Variants in FBXO25 observed in about 807,000 individuals in gnomAD.
FBXO25 encodes F-box protein 25, also known as F-box only protein 25.
FBXO25 carries 45 observed loss-of-function variants against 51.9 expected under a neutral mutation model. That is an observed-to-expected ratio of 0.87 (90% confidence interval 0.68 to 1.11). The LOEUF is 1.11. FBXO25 is among the 50% of genes most tolerant of loss of function. FBXO25 has a pLI of 0.00. For missense variants in FBXO25, 507 were observed against 428.5 expected (o/e 1.18, Z -1.62); for synonymous variants, 199 against 151.0 (o/e 1.32, Z -2.33).
intron 5 of FBXO25, among the ~76,000 whole-genome samples, chr8:438,410 C>G (rs1356751008): frequency 6.6e-6 from 1 of 152,126 alleles, no homozygotes; most frequent in African/African-American, 2.4e-5. Flanking sequence ...ATCTAAACAG[C>G]AATTTTAAAC....
rs1437022129 is a variant in FBXO25, at chr8:474,641, A to G, written c.*5837A>G. 2.3e-6 allele frequency: 1 copy of G among 437,064 alleles called. No individual in the cohort carries two copies. The highest frequency in any genetic ancestry group is 1.7e-5 in the South Asian group (1 of 60,126). 27.1% of individuals were successfully genotyped at this position (437,064 alleles called of 1,614,324 possible). ...TCCGTAATGACTGGTGATGCTGAGT[A>G]TCTGTTTGTTGGCCGTTTATATGTC... On this transcript the variant is annotated 3_prime_UTR_variant, in exon 10 of 10. Transcript: ENST00000350302.
intron 4 of FBXO25, 99 bp from the exon 5 acceptor site, chr8:435,516 C>G: frequency 8.3e-7 from 1 of 1,202,702 alleles, no homozygotes; most frequent in East Asian, 2.5e-5. Flanking sequence ...AACAAATTGT[C>G]CTTTGCCAAA....
chr8:463,200 A>T, intron 9 of FBXO25, 50 bp downstream of exon 9: 1 of 1,584,014 alleles, frequency 6.3e-7, no homozygotes, highest in Non-Finnish European at 8.6e-7. Flanking sequence ...TTTTGGTGAA[A>T]CAAACTAATC....
chr8:461,023 A>C (rs1373782774), intron 8 of FBXO25, among the ~76,000 whole-genome samples: 1 of 152,190 alleles, frequency 6.6e-6, no homozygotes, highest in Non-Finnish European at 1.5e-5. Context: ...TTGTACAAAC[A>C]AGTTAAAAGG....
rs1448160025 is a variant in FBXO25 at position 476,116 on chromosome 8, A to C, written c.*7312A>C. On this transcript the variant is annotated 3_prime_UTR_variant, in exon 10 of 10. Coordinates refer to ENST00000350302, the MANE Select transcript of FBXO25 (RefSeq NM_183420.2). The stretch of plus-strand genomic sequence containing the variant: ...TGTCTCAAATGCTTTTTCTCCATCA[A>C]TGGAGATCACATTTTTTTCCTTCAT... 6.6e-6 allele frequency: 1 copy of C among 152,050 alleles called. No homozygotes were observed. The highest frequency in any genetic ancestry group is 2.4e-5 in the African/African-American group (1 of 41,390). 9.4% of individuals were successfully genotyped at this position (152,050 alleles called of 1,614,324 possible).
chr8:462,397 T>C (rs1005105082), intron 8 of FBXO25, among the ~76,000 whole-genome samples: 1 of 151,006 alleles, frequency 6.6e-6, no homozygotes, highest in African/African-American at 2.4e-5. Context: ...TTATCACATA[T>C]GATGTGTGTA....
At chr8:438,328 G>T (rs963764808) in intron 5 of FBXO25, among the ~76,000 whole-genome samples, 3 of 152,112 alleles carry the variant, frequency 2.0e-5, no homozygotes, top group Non-Finnish European at 4.4e-5. Flanking sequence ...CAAAGTGCTA[G>T]GATTACAGGT....
intron 5 of FBXO25, among the ~76,000 whole-genome samples, chr8:440,718 C>T (rs994330914): frequency 6.6e-6 from 1 of 151,998 alleles, no homozygotes; most frequent in Non-Finnish European, 1.5e-5. Flanking sequence ...GGTATTTCTC[C>T]TAATGCTATC....
rs934182530 is a variant in FBXO25 at position 476,357 on chromosome 8, G to C, written c.*7553G>C. The C allele has an allele frequency of 9.2e-5, 14 of 152,012 alleles. No homozygotes were observed. The highest frequency in any genetic ancestry group is 1.8e-4 in the Non-Finnish European group (12 of 67,988). The allele number at this position is 152,012 out of a possible 1,614,324, so 9.4% of individuals were successfully genotyped here. ...TCTTATAGTGTCTTTGTCTGGTTTT[G>C]GTATCAGAATAATGATGGCCTCATA... On this transcript the variant is annotated 3_prime_UTR_variant, in exon 10 of 10. Coordinates refer to ENST00000350302, the MANE Select transcript of FBXO25 (RefSeq NM_183420.2).
At chr8:442,302 C>T (rs1175179931) in intron 5 of FBXO25, among the ~76,000 whole-genome samples, 16 of 148,558 alleles carry the variant, frequency 1.1e-4, no homozygotes, top group Non-Finnish European at 1.5e-4. Context: ...TTTTTTTTTA[C>T]CACAGTTAAA....
intron 2 of FBXO25, among the ~76,000 whole-genome samples, chr8:425,179 A>G (rs1254112572): frequency 2.6e-5 from 4 of 151,810 alleles, no homozygotes; most frequent in Non-Finnish European, 5.9e-5. Flanking sequence ...CATCTCCCCA[A>G]AAATAACCAC....
At chr8:445,153 C>T (rs951636925) in intron 5 of FBXO25, among the ~76,000 whole-genome samples, 1 of 152,212 alleles carries the variant, frequency 6.6e-6, no homozygotes, top group Non-Finnish European at 1.5e-5. Flanking sequence ...GCCCTTCTCA[C>T]CTCTATGCTT....
At chr8:448,742 G>A (rs1798891076) in intron 5 of FBXO25, among the ~76,000 whole-genome samples, 1 of 152,178 alleles carries the variant, frequency 6.6e-6, no homozygotes, top group South Asian at 2.1e-4. Flanking sequence ...ATCACAGGGA[G>A]GCACTAAGAT....
At chr8:463,437 C>T (rs962002817) in intron 9 of FBXO25, among the ~76,000 whole-genome samples, 3 of 152,190 alleles carry the variant, frequency 2.0e-5, no homozygotes, top group Non-Finnish European at 2.9e-5. Context: ...GGCAGCAGCT[C>T]CAGATTCCCT....
At chr8:421,076 G>C (rs918904476) in intron 2 of FBXO25, among the ~76,000 whole-genome samples, 11 of 152,254 alleles carry the variant, frequency 7.2e-5, no homozygotes, top group Non-Finnish European at 1.6e-4. Flanking sequence ...CAGAGCAGGA[G>C]GTGAGCAGAG....
chr8:442,136 A>T (rs1166370608), intron 5 of FBXO25, among the ~76,000 whole-genome samples: 1 of 152,130 alleles, frequency 6.6e-6, no homozygotes, highest in East Asian at 1.9e-4. Context: ...ATCCAATGCT[A>T]ATTTACTGTT....
intron 8 of FBXO25, among the ~76,000 whole-genome samples, chr8:460,024 T>C (rs1048934083): frequency 6.4e-4 from 97 of 152,090 alleles, no homozygotes; most frequent in African/African-American, 2.2e-3. Context: ...TAAGTCAGCA[T>C]TGGGCATGGG....
intron 2 of FBXO25, among the ~76,000 whole-genome samples, chr8:423,643 G>A (rs780861546): frequency 2.3e-4 from 35 of 152,178 alleles, no homozygotes; most frequent in Non-Finnish European, 4.7e-4. Flanking sequence ...TTATGGCTGT[G>A]TAGTATTTCA....
intron 5 of FBXO25, among the ~76,000 whole-genome samples, chr8:436,143 A>G (rs1012802570): frequency 1.3e-5 from 2 of 152,236 alleles, no homozygotes; most frequent in African/African-American, 2.4e-5. Context: ...CAGGAATTTC[A>G]TACAAAATAG....
Sources: gnomAD v4.1 joint callset for allele counts (sites outside exome capture counted in the v4.1 genomes callset) on GRCh38, gnomAD v4.1.1 for gene constraint, MANE v1.5 for transcripts, NCBI Gene and HGNC (gene_info 2026-07-23, HGNC 2026-07-21) for gene names.